ADAMTS9: variants seen among roughly 807,000 people sequenced by gnomAD.
The protein encoded by ADAMTS9 is A disintegrin and metalloproteinase with thrombospondin motifs 9.
A neutral mutation model predicts 257.1 loss-of-function variants in ADAMTS9; 107 were observed. The observed-to-expected ratio is 0.42, with a 90% CI of 0.36 to 0.49. The LOEUF is 0.49. Among genes scored for constraint, ADAMTS9 ranks in the 20% least tolerant of loss-of-function variants. The probability of loss-of-function intolerance (pLI) is 0.03; values close to 1 mark genes in which losing one functional copy is unlikely to be tolerated. For missense variants in ADAMTS9, 2,353 were observed against 2,469.1 expected (o/e 0.95, Z 1.00); for synonymous variants, 982 against 880.9 (o/e 1.11, Z -2.03).
In ADAMTS9 at chr3:64,517,748, G is replaced by A. The variant is rs145530299; in HGVS notation, c.*6-627C>T. Among the ~76,000 whole-genome samples, 191 of 151,852 alleles carry A rather than the reference G, an allele frequency of 1.3e-3. 3 individuals are homozygous for A. The highest frequency in any genetic ancestry group is 1.6e-4 in the Non-Finnish European group (11 of 67,962). On this transcript the variant is annotated intron_variant, in intron 39 of 39. Transcript: ENST00000498707. ...ATATATGTTTATATATGTAAATATT[G>A]TATATACGTGCTATATAAAATTTAT... is the stretch of plus-strand genomic sequence containing the variant.
At chr3:64,601,906 A>G (rs1169378991) in intron 26 of ADAMTS9, 38 bp downstream of exon 26, 1 of 1,550,106 alleles carries the variant, frequency 6.5e-7, no homozygotes, top group Admixed American at 2.0e-5. Flanking sequence ...CCCAACCTCA[A>G]GTGAAAGAGA....
At chr3:64,564,037 G>A (rs17071058) in intron 29 of ADAMTS9, among the ~76,000 whole-genome samples, 9,663 of 152,202 alleles carry the variant, frequency 0.063, 1,023 homozygotes, top group African/African-American at 0.22. Context: ...GGCAGTGATG[G>A]TGGTGGTATG....
intron 19 of ADAMTS9, among the ~76,000 whole-genome samples, chr3:64,619,839 T>C (rs1302769080): frequency 3.3e-5 from 5 of 152,244 alleles, no homozygotes; most frequent in African/African-American, 1.2e-4. Context: ...CAATTCATTT[T>C]TTTCCCCAAA....
Position 64,651,156 on chromosome 3 carries a change from T to C in ADAMTS9, c.1324A>G (p.Met442Val), listed in dbSNP as rs1700922643. The change falls in exon 9 of 40, where the codon ATG becomes GTG. Residue 442 changes from methionine to valine, a missense_variant. Around this residue, in one of 3 missense-constraint regions of ADAMTS9, gnomAD observed 591 missense variants for 569.6 expected, o/e 1.04. Coordinates refer to ENST00000498707, the MANE Select transcript of ADAMTS9 (RefSeq NM_182920.2). ...CATTTGTTGTTGTCATCATGAGGCA[T>C]GTTAAACCTAAAGCCAATGAGACAA... ...IAHELGHVFN[M>V]PHDDNNKCKE... The C allele has an allele frequency of 1.9e-6, 3 of 1,578,106 alleles. No individual in the cohort carries two copies. The highest frequency in any genetic ancestry group is 2.6e-6 in the Non-Finnish European group (3 of 1,167,392).
rs1419026597 is a variant in ADAMTS9 at position 64,636,497 on chromosome 3, AGATT to A, written c.1857-2622_1857-2619del. ...CATAAAGCTGTAGTGAGGGTTAACT[AGATT>A]AATACATTCAAAGCACTTGCACAAA... On this transcript the variant is annotated intron_variant, in intron 12 of 39. Coordinates refer to ENST00000498707, the MANE Select transcript of ADAMTS9 (RefSeq NM_182920.2). Among the ~76,000 whole-genome samples the A allele has an allele frequency of 1.6e-4, 24 of 152,314 alleles. No individual in the cohort carries two copies. The East Asian group carries it at 4.1e-3, about 26-fold the overall frequency.
intron 14 of ADAMTS9, 21 bp downstream of exon 14, chr3:64,633,451 A>G (rs959740292): frequency 6.2e-7 from 1 of 1,613,176 alleles, no homozygotes; most frequent in African/African-American, 1.3e-5. Context: ...CACAGTGAAG[A>G]AAACACCATC....
intron 21 of ADAMTS9, chr3:64,615,041 G>C (rs553259380): frequency 9.7e-6 from 3 of 310,682 alleles, no homozygotes; most frequent in African/African-American, 4.3e-5. Flanking sequence ...GCTCAAAGAG[G>C]AGGGAAGGTG....
intron 36 of ADAMTS9, among the ~76,000 whole-genome samples, chr3:64,540,173 C>A (rs1340816073): frequency 6.6e-6 from 1 of 152,188 alleles, no homozygotes. Flanking sequence ...GGGGTGTTTT[C>A]CTAAGTGGAG....
intron 28 of ADAMTS9, 101 bp from the exon 29 acceptor site, chr3:64,568,636 G>C: frequency 2.2e-6 from 3 of 1,362,678 alleles, no homozygotes; most frequent in South Asian, 1.3e-5. Context: ...CCTAACAAGA[G>C]TTACCATTCC....
chr3:64,532,217 A>C (rs2082991364), intron 38 of ADAMTS9, among the ~76,000 whole-genome samples: 1 of 152,348 alleles, frequency 6.6e-6, no homozygotes, highest in East Asian at 1.9e-4. Flanking sequence ...TCATTAAGTC[A>C]AGAATGCATT....
Position 64,651,756 on chromosome 3 carries a change from G to A in ADAMTS9, c.1317-593C>T, listed in dbSNP as rs9857408. On this transcript the variant is annotated intron_variant, in intron 8 of 39. Transcript: ENST00000498707. ...GTAGTGGTATGCATGGAAACCAGAA[G>A]CATGCCAATTCTACTGGCATAACTC... 3.2e-3 allele frequency among the ~76,000 whole-genome samples: 489 copies of A among 152,270 alleles called. 1 individual carries two copies. Among genetic ancestry groups the A allele is most frequent in the African/African-American group, 0.01 (424 of 41,536 alleles).
chr3:64,658,493 T>A lies in ADAMTS9; in HGVS notation c.969+9A>T. 6.2e-7 allele frequency: 1 copy of A among 1,606,084 alleles called. No individual in the cohort carries two copies. On this transcript the variant is annotated intron_variant, in intron 4 of 39. Coordinates refer to ENST00000498707, the MANE Select transcript of ADAMTS9 (RefSeq NM_182920.2). ...ACCTCATAAATCACCTTCGTTTGAA[T>A]GTACTTACAATTGACATTAAAGTTA...
chr3:64,633,339 G>A (rs934087756), intron 14 of ADAMTS9, 133 bp downstream of exon 14: 34 of 1,338,018 alleles, frequency 2.5e-5, no homozygotes, highest in Admixed American at 2.2e-4. Context: ...TGCTGATCCC[G>A]GGGCCACACT....
intron 19 of ADAMTS9, among the ~76,000 whole-genome samples, chr3:64,618,140 G>C (rs1268233103): frequency 1.3e-5 from 2 of 152,148 alleles, no homozygotes; most frequent in African/African-American, 4.8e-5. Context: ...TTAGGAATGA[G>C]CATGCACCTG....
intron 30 of ADAMTS9, among the ~76,000 whole-genome samples, chr3:64,558,295 T>C (rs1172198623): frequency 6.6e-6 from 1 of 152,160 alleles, no homozygotes; most frequent in Non-Finnish European, 1.5e-5. Context: ...TAAATTAACC[T>C]ACCTAAGCCG....
chr3:64,520,820 G>A (rs1383297658), intron 39 of ADAMTS9, among the ~76,000 whole-genome samples: 4 of 152,080 alleles, frequency 2.6e-5, no homozygotes, highest in Non-Finnish European at 4.4e-5. Context: ...AGACTTAAAT[G>A]TAAGACTTCA....
intron 28 of ADAMTS9, chr3:64,587,834 A>G (rs959995224): frequency 6.6e-6 from 1 of 152,184 alleles, no homozygotes; most frequent in Non-Finnish European, 1.5e-5. Context: ...AGCAAAGAAG[A>G]TGGTGTGGAG....
chr3:64,672,103 G>C (rs567518778), intron 3 of ADAMTS9, among the ~76,000 whole-genome samples: 1 of 152,314 alleles, frequency 6.6e-6, no homozygotes, highest in Middle Eastern at 3.4e-3. Flanking sequence ...TCCTGCCTCT[G>C]TCAGCTAGAT....
intron 16 of ADAMTS9, among the ~76,000 whole-genome samples, chr3:64,628,870 T>A (rs1559799892): frequency 6.6e-6 from 1 of 152,188 alleles, no homozygotes; most frequent in Non-Finnish European, 1.5e-5. Context: ...TTCATATCAG[T>A]AGCTGAAGAT....
Sources: allele counts gnomAD v4.1 joint callset (sites outside exome capture counted in the v4.1 genomes callset), GRCh38; gene constraint gnomAD v4.1.1; regional missense constraint gnomAD v4.1.1; transcripts MANE v1.5; gene names NCBI Gene and HGNC (gene_info 2026-07-23, HGNC 2026-07-21).